NLGN4X: variants seen among roughly 807,000 people sequenced by gnomAD.
NLGN4X encodes the protein neuroligin 4 X-linked.
Under a neutral mutation model 40.3 loss-of-function variants are expected in NLGN4X, and 3 were observed. That is an observed-to-expected ratio of 0.07 (90% confidence interval 0.03 to 0.19). The LOEUF is 0.19. Among genes scored for constraint, NLGN4X ranks in the 10% least tolerant of loss-of-function variants. The pLI, the probability that NLGN4X is intolerant of heterozygous loss-of-function variation, is 1.00. For missense variants in NLGN4X, 382 were observed against 708.3 expected (o/e 0.54, Z 5.23); for synonymous variants, 270 against 306.8 (o/e 0.88, Z 1.25).
chrX:6,092,318 G>A (rs2038661042), intron 2 of NLGN4X, among the ~76,000 whole-genome samples: 1 of 112,318 alleles, frequency 8.9e-6, no homozygotes, highest in South Asian at 3.6e-4. Flanking sequence ...CACACCCATA[G>A]TAGCACTGAC....
chrX:6,052,293 T>C (rs1337252005), intron 2 of NLGN4X, among the ~76,000 whole-genome samples: 1 of 111,970 alleles, frequency 8.9e-6, no homozygotes, highest in Non-Finnish European at 1.9e-5. Flanking sequence ...ATAATAAATG[T>C]GTGTGATTTT....
At chrX:6,058,027 C>T (rs940417291) in intron 2 of NLGN4X, among the ~76,000 whole-genome samples, 10 of 111,130 alleles carry the variant, frequency 9.0e-5, no homozygotes, top group Non-Finnish European at 1.5e-4. Context: ...CATAAAAATA[C>T]GTCATAAACA....
At chrX:6,142,976 C>T (rs1259958034) in intron 2 of NLGN4X, among the ~76,000 whole-genome samples, 1 of 112,041 alleles carries the variant, frequency 8.9e-6, no homozygotes, top group Non-Finnish European at 1.9e-5. Flanking sequence ...ACTTCTTAAG[C>T]TTACCCCTCT....
intron 2 of NLGN4X, among the ~76,000 whole-genome samples, chrX:6,069,309 A>T (rs761177652): frequency 3.6e-5 from 4 of 111,276 alleles, no homozygotes; most frequent in Middle Eastern, 4.6e-3. Context: ...AAAATTAAAT[A>T]AAAGTAGACA....
intron 2 of NLGN4X, among the ~76,000 whole-genome samples, chrX:6,141,090 T>C (rs2147661830): frequency 8.9e-6 from 1 of 111,767 alleles, no homozygotes; most frequent in East Asian, 2.8e-4. Flanking sequence ...AGAGTGGATG[T>C]TTTTGATCTC....
At chrX:6,144,621 C>T (rs954714460) in intron 2 of NLGN4X, among the ~76,000 whole-genome samples, 1 of 111,205 alleles carries the variant, frequency 9.0e-6, no homozygotes. Context: ...TTTCTCCTGG[C>T]TCTCTCATAT....
intron 2 of NLGN4X, among the ~76,000 whole-genome samples, chrX:6,105,550 T>C (rs944377698): frequency 2.7e-5 from 3 of 111,921 alleles, no homozygotes; most frequent in African/African-American, 9.7e-5. Flanking sequence ...GCACGTTTTC[T>C]TAAGTAACTT....
intron 2 of NLGN4X, among the ~76,000 whole-genome samples, chrX:6,049,084 T>C (rs2037404113): frequency 9.8e-6 from 1 of 102,105 alleles, no homozygotes; most frequent in African/African-American, 3.6e-5. Context: ...ATTTGTAAAA[T>C]ATTAAGAAAC....
chrX:5,991,169 C>G (rs905812664), intron 3 of NLGN4X, among the ~76,000 whole-genome samples: 1 of 111,175 alleles, frequency 9.0e-6, no homozygotes, highest in Non-Finnish European at 1.9e-5. Flanking sequence ...CCGCCTTCTC[C>G]CTGTGAGATT....
intron 3 of NLGN4X, among the ~76,000 whole-genome samples, chrX:5,984,380 C>CA (rs549401348): frequency 0.089 from 8,095 of 91,285 alleles, 821 homozygotes; most frequent in African/African-American, 0.29. Flanking sequence ...ATACAAAATA[C>CA]AAAAAAAAAA....
chrX:5,899,228 A>G (rs1276409856), intron 5 of NLGN4X, among the ~76,000 whole-genome samples: 2 of 112,535 alleles, frequency 1.8e-5, no homozygotes, highest in African/African-American at 6.5e-5. Flanking sequence ...GTGTTATTTC[A>G]GGGATGTTTC....
At chrX:5,930,338 T>C (rs1048505433) in intron 3 of NLGN4X, among the ~76,000 whole-genome samples, 3 of 112,154 alleles carry the variant, frequency 2.7e-5, no homozygotes, top group African/African-American at 6.5e-5. Context: ...CAGTAGCACT[T>C]AAACGGTGTG....
intron 2 of NLGN4X, among the ~76,000 whole-genome samples, chrX:6,053,351 T>A (rs1460301865): frequency 1.8e-5 from 2 of 111,559 alleles, no homozygotes; most frequent in African/African-American, 6.5e-5. Context: ...TAGCAGCTTG[T>A]GAGCAGTTTA....
chrX:6,181,669 A>C (rs1389292684), intron 1 of NLGN4X, among the ~76,000 whole-genome samples: 1 of 111,049 alleles, frequency 9.0e-6, no homozygotes, highest in Non-Finnish European at 1.9e-5. Flanking sequence ...TTAACCAATT[A>C]ATCCTTTTAC....
chrX:6,104,088 T>C (rs893522744), intron 2 of NLGN4X, among the ~76,000 whole-genome samples: 2 of 79,093 alleles, frequency 2.5e-5, no homozygotes, highest in African/African-American at 9.4e-5. Context: ...TGTTAAATGT[T>C]TTCTGGTACC....
At chrX:6,170,938 C>G (rs1249166271) in intron 1 of NLGN4X, among the ~76,000 whole-genome samples, 1 of 111,258 alleles carries the variant, frequency 9.0e-6, no homozygotes, top group Non-Finnish European at 1.9e-5. Flanking sequence ...ATCTTCCCAC[C>G]TCAGCCTCTG....
At chrX:5,968,455 C>CTGTGTG (rs1387073890) in intron 3 of NLGN4X, among the ~76,000 whole-genome samples, 10 of 27,643 alleles carry the variant, frequency 3.6e-4, no homozygotes, top group African/African-American at 3.8e-4. Context: ...CTCTCTCTCT[C>CTGTGTG]TCTGTGTGTG....
At chrX:6,021,004 C>CTT (rs796849645) in intron 3 of NLGN4X, among the ~76,000 whole-genome samples, 10 of 18,231 alleles carry the variant, frequency 5.5e-4, no homozygotes, top group African/African-American at 2.0e-3. Flanking sequence ...TCCTTCTTTT[C>CTT]TCTCTCTCTC....
At chrX:6,210,465 C>A (rs978482842) in intron 1 of NLGN4X, among the ~76,000 whole-genome samples, 3 of 110,964 alleles carry the variant, frequency 2.7e-5, no homozygotes, top group African/African-American at 9.8e-5. Flanking sequence ...CAGAGCGAGA[C>A]CCTGTCTTCA....
Sources: allele counts gnomAD v4.1 joint callset (sites outside exome capture counted in the v4.1 genomes callset), GRCh38; gene constraint gnomAD v4.1.1; transcripts MANE v1.5; gene names NCBI Gene and HGNC (gene_info 2026-07-23, HGNC 2026-07-21).